IMMT: variants seen among roughly 807,000 people sequenced by gnomAD.
IMMT encodes the protein inner membrane mitochondrial protein.
A neutral mutation model predicts 92.7 loss-of-function variants in IMMT; 40 were observed. That is an observed-to-expected ratio of 0.43 (90% CI 0.34 to 0.56). The LOEUF is 0.56. Among genes scored for constraint, IMMT ranks in the 20% least tolerant of loss-of-function variants. The probability of loss-of-function intolerance (pLI) is 0.03; values close to 1 mark genes in which losing one functional copy is unlikely to be tolerated. For synonymous variants in IMMT, 322 were observed against 336.1 expected (o/e 0.96, Z 0.46); for missense variants, 831 against 912.1 (o/e 0.91, Z 1.14).
At chr2:86,181,465 AT>A (rs1672431463) in intron 1 of IMMT, 93 bp from the exon 2 acceptor site, 2 of 822,658 alleles carry the variant, frequency 2.4e-6, no homozygotes, top group Non-Finnish European at 4.0e-6. Flanking sequence ...TTTATTAAAA[AT>A]GTCTTCATTA....
At chr2:86,162,930 T>G (rs1676400978) in intron 7 of IMMT, among the ~76,000 whole-genome samples, 1 of 152,200 alleles carries the variant, frequency 6.6e-6, no homozygotes, top group Non-Finnish European at 1.5e-5. Flanking sequence ...TGAGCAGAGC[T>G]GGCTCATATT....
At chr2:86,151,138 G>T (rs1316874595) in intron 12 of IMMT, among the ~76,000 whole-genome samples, 159 bp downstream of exon 12, 3 of 152,036 alleles carry the variant, frequency 2.0e-5, no homozygotes, top group Non-Finnish European at 1.5e-5. Flanking sequence ...GGCTGGTCTC[G>T]AACTCCTGAC....
chr2:86,162,084 A>G lies in IMMT; in HGVS notation c.793-5T>C. ...AGATTTCTTCTCGCCTGCAATCTAA[A>G]CAAAAAATTTTAATTATATAATAAA... On this transcript the variant is annotated splice_polypyrimidine_tract_variant and splice_region_variant and intron_variant, in intron 7 of 14. Coordinates refer to ENST00000410111, the MANE Select transcript of IMMT (RefSeq NM_006839.3). The G allele has an allele frequency of 6.5e-7, 1 of 1,545,118 alleles. No individual in the cohort carries two copies. The highest frequency in any genetic ancestry group is 2.4e-5 in the East Asian group (1 of 41,288).
Position 86,171,240 on chromosome 2 carries a change from A to G in IMMT, c.527T>C (p.Ile176Thr), listed in dbSNP as rs1401781769. The change falls in exon 5 of 15, where the codon ATT becomes ACT. Residue 176 changes from isoleucine to threonine, a missense_variant. Transcript: ENST00000410111. The part of the protein sequence containing the change: ...EESLKTDHPE[I>T]GEGKPTPALS... Reference sequence around the variant, plus strand: ...TGCAGGTGTGGGTTTTCCTTCACCAATTTCAGGGTGATCAGTTTTTAAAGA... The same window carrying G: ...TGCAGGTGTGGGTTTTCCTTCACCAGTTTCAGGGTGATCAGTTTTTAAAGA... The G allele has an allele frequency of 3.1e-6, 5 of 1,602,292 alleles. No homozygotes were observed. Among genetic ancestry groups the G allele is most frequent in the Middle Eastern group, 3.4e-4 (2 of 5,968 alleles).
At chr2:86,161,945 T>C (rs1676308169) in intron 8 of IMMT, 31 bp downstream of exon 8, 3 of 1,446,938 alleles carry the variant, frequency 2.1e-6, no homozygotes, top group East Asian at 4.8e-5. Context: ...CAGGAGGCCC[T>C]AATTACTTGT....
chr2:86,179,453 C>A lies in IMMT; in HGVS notation c.289G>T (p.Val97Phe). ...EMVLGPAAYN[V>F]PLPKKSIQSG... is the part of the protein sequence containing the mutation. ...CTTACCGATTTCTTTGGCAATGGAA[C>A]ATTATAAGCTGCAGGACCAAGAACC... The change falls in exon 3 of 15, where the codon GTT (valine) becomes TTT (phenylalanine). Residue 97 changes from valine to phenylalanine, a missense_variant. Val to Phe is a conservative substitution (Grantham distance 50). Transcript: ENST00000410111. 4 of 1,593,496 alleles carry A rather than the reference C, an allele frequency of 2.5e-6. No individual in the cohort carries two copies. Among genetic ancestry groups the A allele is most frequent in the Non-Finnish European group, 3.4e-6 (4 of 1,173,934 alleles).
intron 3 of IMMT, 74 bp from the exon 4 acceptor site, chr2:86,173,835 T>G: frequency 1.3e-6 from 1 of 743,650 alleles, no homozygotes; most frequent in Non-Finnish European, 2.2e-6. Context: ...TTGCAGTATT[T>G]CAAATGCCAA....
At chr2:86,159,437 C>T (rs1455882404) in intron 9 of IMMT, 99 bp downstream of exon 9, 16 of 1,019,594 alleles carry the variant, frequency 1.6e-5, no homozygotes, top group African/African-American at 1.1e-4. Flanking sequence ...GGAGAAAAGA[C>T]GGGGAGATGG....
At chr2:86,167,056 C>G (rs1218095206) in intron 6 of IMMT, among the ~76,000 whole-genome samples, 1 of 149,758 alleles carries the variant, frequency 6.7e-6, no homozygotes, top group Non-Finnish European at 1.5e-5. Context: ...CGAGATCATG[C>G]CACTGCACTC....
At chr2:86,151,224 GTAT>G in intron 12 of IMMT, 70 bp downstream of exon 12, 6 of 1,293,660 alleles carry the variant, frequency 4.6e-6, no homozygotes, top group Non-Finnish European at 5.5e-6. Flanking sequence ...GGCTGAGCCA[GTAT>G]TATTTCTACA....
At chr2:86,155,328 A>T (rs1015471612) in intron 10 of IMMT, among the ~76,000 whole-genome samples, 3 of 152,112 alleles carry the variant, frequency 2.0e-5, no homozygotes, top group African/African-American at 7.2e-5. Context: ...TCCTCTTCTC[A>T]AAAGGCCAAA....
intron 11 of IMMT, among the ~76,000 whole-genome samples, chr2:86,151,788 G>A (rs949698689): frequency 6.6e-6 from 1 of 152,052 alleles, no homozygotes; most frequent in African/African-American, 2.4e-5. Context: ...ATTATAAATG[G>A]ACTTTCTCAT....
At chr2:86,173,029 T>C (rs898371738) in intron 4 of IMMT, among the ~76,000 whole-genome samples, 1 of 152,216 alleles carries the variant, frequency 6.6e-6, no homozygotes, top group African/African-American at 2.4e-5. Flanking sequence ...CATGGCTGTT[T>C]CCCCAGTACT....
intron 12 of IMMT, among the ~76,000 whole-genome samples, chr2:86,150,124 G>A (rs1166146828): frequency 6.6e-6 from 1 of 152,178 alleles, no homozygotes; most frequent in Non-Finnish European, 1.5e-5. Flanking sequence ...TGAGGGGCTG[G>A]AAGACAGGTT....
chr2:86,185,727 A>G (rs1296623153), intron 1 of IMMT, among the ~76,000 whole-genome samples: 1 of 152,228 alleles, frequency 6.6e-6, no homozygotes, highest in African/African-American at 2.4e-5. Context: ...GCTGGCTTAT[A>G]TTTAAAGTGA....
At chr2:86,148,872 A>G (rs557405086) in intron 12 of IMMT, among the ~76,000 whole-genome samples, 244 of 124,216 alleles carry the variant, frequency 2.0e-3, no homozygotes, top group African/African-American at 5.6e-3. Context: ...CAGTCAGTGC[A>G]TAAGTATTTA....
rs1271827138 is a variant in IMMT, at chr2:86,171,335, T to C, written c.432A>G (p.Glu144=). ...CTGCTGCAGAAATAATTTGAGCCGC[T>C]TCTGTAGGTGCTATAAATATATGTT... ...DTPASATAPT[E]AAQIISAAGD... The change falls in exon 5 of 15, where the codon GAA becomes GAG. Residue 144 remains glutamate (E), a synonymous_variant. Coordinates refer to ENST00000410111, the MANE Select transcript of IMMT (RefSeq NM_006839.3). The C allele has an allele frequency of 1.9e-6, 3 of 1,611,202 alleles. No individual in the cohort carries two copies. Among genetic ancestry groups the C allele is most frequent in the Non-Finnish European group, 2.5e-6 (3 of 1,178,548 alleles).
At chr2:86,185,233 T>C (rs1010472815) in intron 1 of IMMT, among the ~76,000 whole-genome samples, 1 of 152,060 alleles carries the variant, frequency 6.6e-6, no homozygotes, top group African/African-American at 2.4e-5. Context: ...TGGTTTCTTT[T>C]AGCTGAGTAT....
At chr2:86,170,867 G>A in intron 5 of IMMT, 23 bp from the exon 6 acceptor site, 1 of 1,522,718 alleles carries the variant, frequency 6.6e-7, no homozygotes. Flanking sequence ...GTAAATAAGA[G>A]GAAATCAAAT....
Sources: gnomAD v4.1 joint callset for allele counts (sites outside exome capture counted in the v4.1 genomes callset) on GRCh38, gnomAD v4.1.1 for gene constraint, MANE v1.5 for transcripts, NCBI Gene and HGNC (gene_info 2026-07-23, HGNC 2026-07-21) for gene names.